The following PCNX2 variants were observed in gnomAD, a reference collection of about 807,000 sequenced individuals.
PCNX2 encodes pecanex 2, also known as pecanex-like protein 2.
PCNX2 carries 168 observed loss-of-function variants against 223.8 expected under a neutral mutation model. The ratio of observed to expected loss-of-function variants is 0.75; its 90% CI spans 0.66 to 0.85. The LOEUF (loss-of-function observed/expected upper bound fraction) is 0.85, where lower values mean the gene tolerates loss of function less well. Ranked by LOEUF, PCNX2 falls within the 40% of genes least tolerant of loss-of-function variation. The probability of loss-of-function intolerance (pLI) is 0.00; values close to 1 mark genes in which losing one functional copy is unlikely to be tolerated. For missense variants in PCNX2, 2,507 were observed against 2,675.5 expected (o/e 0.94, Z 1.39); for synonymous variants, 1,006 against 1,052.6 (o/e 0.96, Z 0.86).
intron 19 of PCNX2, among the ~76,000 whole-genome samples, chr1:233,156,474 G>A (rs763475875): frequency 6.6e-6 from 1 of 152,200 alleles, no homozygotes; most frequent in Admixed American, 6.5e-5. Flanking sequence ...CGTGAGCACT[G>A]GAGGAGGAGT....
chr1:233,067,319 T>C (rs1051803791), intron 23 of PCNX2, among the ~76,000 whole-genome samples: 4 of 74,202 alleles, frequency 5.4e-5, no homozygotes, highest in Non-Finnish European at 7.7e-5. Context: ...AATGTTTCAA[T>C]GAGCAATTAA....
intron 22 of PCNX2, among the ~76,000 whole-genome samples, chr1:233,090,704 G>A (rs929391497): frequency 1.3e-5 from 2 of 152,076 alleles, no homozygotes; most frequent in African/African-American, 4.8e-5. Flanking sequence ...AACAGATATC[G>A]TATGTTGAAC....
chr1:233,283,672 C>T lies in PCNX2; in HGVS notation c.153+11654G>A, dbSNP rs1303079125. Among the ~76,000 whole-genome samples, 3 of 151,618 alleles carry T rather than the reference C, an allele frequency of 2.0e-5. No homozygotes were observed. The East Asian group carries it at 5.8e-4, about 29-fold the overall frequency. On this transcript the variant is annotated intron_variant, in intron 1 of 33. Coordinates refer to ENST00000258229, the MANE Select transcript of PCNX2 (RefSeq NM_014801.4). ...ATTTGTGGGACCACACTAAAAAGTG[C>T]AACAAAACTATGAGGACGGGGGAAA... is the stretch of plus-strand genomic sequence containing the variant.
chr1:233,255,778 G>C (rs1428335289), intron 5 of PCNX2, among the ~76,000 whole-genome samples: 1 of 152,132 alleles, frequency 6.6e-6, no homozygotes, highest in African/African-American at 2.4e-5. Context: ...AAAGATTAGA[G>C]AACATTTCCT....
intron 12 of PCNX2, chr1:233,210,497 T>A: frequency 1.4e-6 from 1 of 714,966 alleles, no homozygotes; most frequent in Middle Eastern, 7.1e-4. Context: ...CAGGCTGGTC[T>A]CAAACTCCTG....
chr1:233,029,502 G>T (rs1395548502), intron 25 of PCNX2, among the ~76,000 whole-genome samples: 2 of 152,070 alleles, frequency 1.3e-5, no homozygotes, highest in Admixed American at 1.3e-4. Flanking sequence ...TCATTCTTTT[G>T]TGTAGAGTCG....
intron 21 of PCNX2, among the ~76,000 whole-genome samples, chr1:233,105,407 T>C (rs1479415879): frequency 6.6e-6 from 1 of 152,166 alleles, no homozygotes; most frequent in Non-Finnish European, 1.5e-5. Flanking sequence ...TTAAACCTCA[T>C]AGAGGATACC....
At chr1:233,229,018 A>G (rs188378928) in intron 9 of PCNX2, among the ~76,000 whole-genome samples, 33 of 152,316 alleles carry the variant, frequency 2.2e-4, no homozygotes, top group African/African-American at 7.5e-4. Context: ...ATTGGCTTTT[A>G]AAGGACTTCT....
chr1:233,227,397 G>A lies in PCNX2; in HGVS notation c.2359-26C>T, dbSNP rs760863098. ...CTTTTAGATACCAAAAGAAACAACA[G>A]AAAAAAGGGCTTTATGTTGTCATGG... On this transcript the variant is annotated intron_variant, in intron 9 of 33. Transcript: ENST00000258229. 16 of 1,595,832 alleles carry A rather than the reference G, an allele frequency of 1.0e-5. No homozygotes were observed. In the African/African-American group the frequency reaches 1.1e-4, roughly 11 times the overall value.
chr1:233,261,052 T>G (rs1303614455), intron 4 of PCNX2, among the ~76,000 whole-genome samples: 2 of 152,062 alleles, frequency 1.3e-5, no homozygotes, highest in Non-Finnish European at 2.9e-5. Flanking sequence ...ACTGGAGAAA[T>G]GACAATGAAT....
chr1:233,218,545 C>T (rs1657165082), intron 10 of PCNX2, among the ~76,000 whole-genome samples: 1 of 152,068 alleles, frequency 6.6e-6, no homozygotes, highest in African/African-American at 2.4e-5. Context: ...CCACCGTGCC[C>T]AGCCAGTTTT....
chr1:233,144,186 A>G (rs1290225108), intron 19 of PCNX2, among the ~76,000 whole-genome samples: 2 of 152,030 alleles, frequency 1.3e-5, no homozygotes, highest in Non-Finnish European at 2.9e-5. Context: ...TGTCTCAAAA[A>G]CATGAAAAAA....
intron 23 of PCNX2, among the ~76,000 whole-genome samples, chr1:233,086,379 C>A (rs531445271): frequency 1.3e-5 from 2 of 152,168 alleles, no homozygotes; most frequent in African/African-American, 4.8e-5. Flanking sequence ...CAGTTCCAGC[C>A]GGGTGCAGTG....
intron 25 of PCNX2, among the ~76,000 whole-genome samples, chr1:233,040,974 G>A (rs567370193): frequency 2.0e-5 from 3 of 151,974 alleles, no homozygotes; most frequent in Non-Finnish European, 4.4e-5. Context: ...AACAATCTTT[G>A]CACCCTTCCC....
intron 18 of PCNX2, among the ~76,000 whole-genome samples, chr1:233,161,047 A>G (rs1285512680): frequency 1.3e-5 from 2 of 152,194 alleles, no homozygotes; most frequent in Admixed American, 1.3e-4. Flanking sequence ...CAGATGCAGG[A>G]AAGGGTAAGG....
intron 23 of PCNX2, among the ~76,000 whole-genome samples, chr1:233,075,696 AACACACAC>A (rs369431993): frequency 2.1e-3 from 287 of 137,348 alleles, no homozygotes; most frequent in Middle Eastern, 0.011. Flanking sequence ...GTTAGCTTAA[AACACACAC>A]ACACACACAC....
chr1:233,230,070 T>C (rs1657972839), intron 9 of PCNX2, among the ~76,000 whole-genome samples: 1 of 152,216 alleles, frequency 6.6e-6, no homozygotes, highest in African/African-American at 2.4e-5. Context: ...AAATGCTATA[T>C]GTAATATATG....
chr1:233,211,066 GT>G (rs1681786065), intron 12 of PCNX2, among the ~76,000 whole-genome samples: 1 of 152,344 alleles, frequency 6.6e-6, no homozygotes, highest in Admixed American at 6.5e-5. Context: ...CAGTGGAATG[GT>G]CAGCTGCTTC....
chr1:233,142,433 A>G (rs1677185972), intron 19 of PCNX2, among the ~76,000 whole-genome samples: 1 of 152,158 alleles, frequency 6.6e-6, no homozygotes, highest in South Asian at 2.1e-4. Flanking sequence ...GCCAAGCTCC[A>G]TCCATGTCCT....
Sources: gnomAD v4.1 joint callset for allele counts (sites outside exome capture counted in the v4.1 genomes callset) on GRCh38, gnomAD v4.1.1 for gene constraint, MANE v1.5 for transcripts, NCBI Gene and HGNC (gene_info 2026-07-23, HGNC 2026-07-21) for gene names.